XRN1: variants seen among roughly 807,000 people sequenced by gnomAD.
XRN1 encodes the protein strand-exchange protein 1 homolog.
Under a neutral mutation model 222.3 loss-of-function variants are expected in XRN1, and 67 were observed. That is an observed-to-expected ratio of 0.30 (90% confidence interval 0.25 to 0.37). The LOEUF (loss-of-function observed/expected upper bound fraction) is 0.37. Ranked by LOEUF, XRN1 falls within the 10% of genes least tolerant of loss-of-function variation. The pLI is 1.00. For synonymous variants in XRN1, 643 were observed against 652.4 expected (o/e 0.99, Z 0.22); for missense variants, 1,707 against 2,000.2 (o/e 0.85, Z 2.80).
intron 1 of XRN1, among the ~76,000 whole-genome samples, chr3:142,446,789 G>T (rs1269651753): frequency 6.6e-6 from 1 of 152,096 alleles, no homozygotes. Flanking sequence ...ATAAATTCAA[G>T]ATAAGCTAAC....
In XRN1 at chr3:142,414,279, A is replaced by G; in HGVS notation, c.1449T>C (p.Tyr483=). 1.2e-6 allele frequency: 2 copies of G among 1,609,248 alleles called. No individual in the cohort carries two copies. Among genetic ancestry groups the G allele is most frequent in the East Asian group, 2.2e-5 (1 of 44,730 alleles). Residue 483 remains tyrosine, a synonymous_variant, in exon 14 of 41, where the codon TAT becomes TAC. Transcript: ENST00000392981. ...TATCAGACAGGAAAGGTGCATAATG[A>G]TAAGGATAATACCTATAAAACAAAA... ...GVQSWSWYYP[Y]HYAPFLSDIH... is the part of the protein sequence containing the mutation.
chr3:142,405,412 T>G (rs964388347), intron 15 of XRN1, among the ~76,000 whole-genome samples: 1 of 152,208 alleles, frequency 6.6e-6, no homozygotes, highest in African/African-American at 2.4e-5. Flanking sequence ...AGAGCATTAA[T>G]CTCTTACTTT....
At chr3:142,328,798 G>C (rs2065610137) in intron 37 of XRN1, among the ~76,000 whole-genome samples, 1 of 124,774 alleles carries the variant, frequency 8.0e-6, no homozygotes, top group African/African-American at 2.8e-5. Flanking sequence ...TTGCTCTGTT[G>C]CCCAGGCTGG....
intron 13 of XRN1, among the ~76,000 whole-genome samples, chr3:142,416,743 A>T (rs2068803711): frequency 6.6e-6 from 1 of 152,050 alleles, no homozygotes. Flanking sequence ...AAATTACCAT[A>T]AGTAGAGGCC....
chr3:142,392,738 G>A (rs1490711026), intron 20 of XRN1, among the ~76,000 whole-genome samples: 1 of 151,696 alleles, frequency 6.6e-6, no homozygotes, highest in Non-Finnish European at 1.5e-5. Flanking sequence ...TGGACATTTG[G>A]GTTGGTTCCA....
chr3:142,399,143 T>C (rs2068034242), intron 19 of XRN1, among the ~76,000 whole-genome samples: 1 of 150,678 alleles, frequency 6.6e-6, no homozygotes, highest in Non-Finnish European at 1.5e-5. Flanking sequence ...TTAATACAAT[T>C]CATATAAAAA....
intron 1 of XRN1, among the ~76,000 whole-genome samples, chr3:142,443,882 G>C (rs1186855588): frequency 6.6e-6 from 1 of 152,230 alleles, no homozygotes; most frequent in African/African-American, 2.4e-5. Flanking sequence ...ATACACAATG[G>C]AGTACTATTC....
At chr3:142,440,473 A>G (rs1163363257) in intron 1 of XRN1, among the ~76,000 whole-genome samples, 1 of 151,956 alleles carries the variant, frequency 6.6e-6, no homozygotes, top group Non-Finnish European at 1.5e-5. Flanking sequence ...AAGAATGCCC[A>G]TCCTGGTCAA....
chr3:142,373,361 G>A (rs943854431), intron 25 of XRN1, among the ~76,000 whole-genome samples: 1 of 152,082 alleles, frequency 6.6e-6, no homozygotes, highest in African/African-American at 2.4e-5. Flanking sequence ...GATCAGTCCA[G>A]AAGGTTTAAG....
At chr3:142,371,071 G>C (rs1353751424) in intron 26 of XRN1, among the ~76,000 whole-genome samples, 168 bp downstream of exon 26, 1 of 151,346 alleles carries the variant, frequency 6.6e-6, no homozygotes, top group Non-Finnish European at 1.5e-5. Flanking sequence ...AGGGAACCAA[G>C]GCTAAAGTGA....
At chr3:142,394,594 T>C (rs1263257504) in intron 20 of XRN1, among the ~76,000 whole-genome samples, 1 of 152,204 alleles carries the variant, frequency 6.6e-6, no homozygotes, top group Non-Finnish European at 1.5e-5. Flanking sequence ...GCTCCTCAGC[T>C]TTCCCCATGC....
chr3:142,386,342 GAT>G (rs1413079487), intron 20 of XRN1, among the ~76,000 whole-genome samples: 1 of 151,906 alleles, frequency 6.6e-6, no homozygotes, highest in Non-Finnish European at 1.5e-5. Flanking sequence ...AAATAAATGG[GAT>G]TTATTCCAGA....
intron 33 of XRN1, among the ~76,000 whole-genome samples, chr3:142,338,245 G>C (rs1030914319): frequency 3.3e-5 from 5 of 152,190 alleles, no homozygotes; most frequent in Non-Finnish European, 7.3e-5. Context: ...GAAAAGGGAA[G>C]AGTAAAGAGG....
intron 2 of XRN1, among the ~76,000 whole-genome samples, chr3:142,429,986 A>G (rs1399388424): frequency 1.3e-5 from 2 of 152,224 alleles, no homozygotes; most frequent in Non-Finnish European, 2.9e-5. Context: ...GAACAGATGC[A>G]GCTGTAGCTT....
chr3:142,426,705 A>G, intron 3 of XRN1, 39 bp downstream of exon 3: 1 of 1,561,302 alleles, frequency 6.4e-7, no homozygotes, highest in Non-Finnish European at 8.7e-7. Context: ...TTCAATTTAT[A>G]TTTCAATTCT....
intron 33 of XRN1, among the ~76,000 whole-genome samples, chr3:142,342,740 A>G (rs2066032475): frequency 6.6e-6 from 1 of 152,202 alleles, no homozygotes; most frequent in African/African-American, 2.4e-5. Flanking sequence ...GTGCAGAAAA[A>G]TGAAACTAGA....
At chr3:142,313,236 ATCTT>A in intron 39 of XRN1, 1 of 1,534,120 alleles carries the variant, frequency 6.5e-7, no homozygotes, top group Non-Finnish European at 8.9e-7. Context: ...GACAGGTAGA[ATCTT>A]TCTTTTCTCT....
chr3:142,368,028 T>G (rs556610269), intron 27 of XRN1, among the ~76,000 whole-genome samples: 70 of 150,724 alleles, frequency 4.6e-4, no homozygotes, highest in African/African-American at 1.7e-3. Flanking sequence ...TATGCATATA[T>G]GTATGATCAT....
intron 37 of XRN1, among the ~76,000 whole-genome samples, chr3:142,328,290 C>T (rs892748227): frequency 1.3e-4 from 20 of 152,078 alleles, no homozygotes; most frequent in African/African-American, 4.8e-4. Context: ...ATCTTCCCTC[C>T]TAGTACTACT....
Sources: allele counts gnomAD v4.1 joint callset (sites outside exome capture counted in the v4.1 genomes callset), GRCh38; gene constraint gnomAD v4.1.1; transcripts MANE v1.5; gene names NCBI Gene and HGNC (gene_info 2026-07-23, HGNC 2026-07-21).